Variants in TTLL4 observed in about 807,000 individuals in gnomAD.
TTLL4 encodes the protein tubulin monoglutamylase TTLL4.
Under a neutral mutation model 122.7 loss-of-function variants are expected in TTLL4, and 85 were observed. That is an observed-to-expected ratio of 0.69 (90% CI 0.58 to 0.83). TTLL4 has a LOEUF of 0.83. TTLL4 is among the 40% of genes least tolerant of loss of function. The pLI is 0.00. For missense variants in TTLL4, 1,363 were observed against 1,488.6 expected (o/e 0.92, Z 1.39); for synonymous variants, 553 against 563.0 (o/e 0.98, Z 0.25).
In TTLL4 at chr2:218,748,129, T is replaced by C. The variant is rs1384694005; in HGVS notation, c.2403T>C (p.Leu801=). ...SCKYSPSMKS[L]GNKFMHLTNY... is the part of the protein sequence containing the mutation. ...GGTATTCGCCTTCCATGAAGAGCCT[T>C]GGCAATAAGTTCATGCACCTGACCA... Residue 801 remains leucine (L), a synonymous_variant, in exon 12 of 20, where the codon CTT becomes CTC. Coordinates refer to ENST00000392102, the MANE Select transcript of TTLL4 (RefSeq NM_014640.5). 2.5e-6 allele frequency: 4 copies of C among 1,614,014 alleles called. No individual in the cohort carries two copies. The African/African-American group carries it at 5.3e-5, about 22-fold the overall frequency.
chr2:218,748,339 A>G, intron 12 of TTLL4, 112 bp downstream of exon 12: 2 of 1,459,348 alleles, frequency 1.4e-6, no homozygotes, highest in South Asian at 2.6e-5. Context: ...AGACCCAGAG[A>G]TAACACTTAC....
At chr2:218,759,347 C>T (rs925914798), downstream of TTLL4, among the ~76,000 whole-genome samples, 1 of 152,006 alleles carries the variant, frequency 6.6e-6, no homozygotes, top group South Asian at 2.1e-4. Flanking sequence ...CCCAGGAGTT[C>T]GAGACCAGCC....
intron 1 of TTLL4, among the ~76,000 whole-genome samples, chr2:218,711,669 C>CA (rs1223291304): frequency 2.0e-5 from 3 of 152,058 alleles, no homozygotes; most frequent in Non-Finnish European, 4.4e-5. Flanking sequence ...ACGGAATTTA[C>CA]AGTCTAGGAG....
chr2:218,724,305 G>A (rs915182714), intron 1 of TTLL4, among the ~76,000 whole-genome samples: 1 of 152,126 alleles, frequency 6.6e-6, no homozygotes, highest in Non-Finnish European at 1.5e-5. Flanking sequence ...CAGAAGGCAG[G>A]TAGCACACCA....
intron 2 of TTLL4, among the ~76,000 whole-genome samples, chr2:218,732,371 C>T (rs1942405329): frequency 6.6e-6 from 1 of 152,110 alleles, no homozygotes; most frequent in Non-Finnish European, 1.5e-5. Context: ...GATGAGCAGT[C>T]TGCCTTTTGG....
chr2:218,742,376 A>G (rs898709796), intron 5 of TTLL4, among the ~76,000 whole-genome samples: 6 of 152,238 alleles, frequency 3.9e-5, no homozygotes, highest in Non-Finnish European at 1.5e-5. Flanking sequence ...ACATTTGTAT[A>G]TTATGGAAAA....
intron 12 of TTLL4, 172 bp from the exon 13 acceptor site, chr2:218,748,654 CAAAAAAAAAA>C (rs570493846): frequency 1.3e-5 from 3 of 224,976 alleles, no homozygotes; most frequent in African/African-American, 8.6e-5. Flanking sequence ...AACTCCATCT[CAAAAAAAAAA>C]AAAAAAAAAA....
intron 2 of TTLL4, among the ~76,000 whole-genome samples, chr2:218,730,887 T>C (rs1349261089): frequency 6.6e-6 from 1 of 151,842 alleles, no homozygotes; most frequent in East Asian, 1.9e-4. Flanking sequence ...GGAGGATCAT[T>C]TGAGGACAGA....
intron 1 of TTLL4, among the ~76,000 whole-genome samples, chr2:218,725,174 A>G (rs555708290): frequency 6.6e-6 from 1 of 151,916 alleles, no homozygotes; most frequent in Admixed American, 6.6e-5. Context: ...CCCAAAGTGC[A>G]AGCATGAGCC....
At position 218,745,239 on chromosome 2, in the gene TTLL4, C is replaced by T. The variant is rs1309128202; in HGVS notation, c.1786+6C>T. ...TGGCACTCGGGATGAGAGAGGTAAACCTGGCCAAGTGTCAAAGCCCAGAAG... is the reference window on the plus strand; with the variant it reads ...TGGCACTCGGGATGAGAGAGGTAAATCTGGCCAAGTGTCAAAGCCCAGAAG... On this transcript the variant is annotated splice_donor_region_variant and intron_variant, in intron 6 of 19. Coordinates refer to ENST00000392102, the MANE Select transcript of TTLL4 (RefSeq NM_014640.5). 1 of 1,613,830 alleles carries T rather than the reference C, an allele frequency of 6.2e-7. No homozygotes were observed. The highest frequency in any genetic ancestry group is 1.3e-5 in the African/African-American group (1 of 74,916).
chr2:218,739,125 G>A lies in TTLL4; in HGVS notation c.1449G>A (p.Glu483=). Residue 483 remains glutamate, a synonymous_variant, in exon 3 of 20, where the codon GAG becomes GAA. Coordinates refer to ENST00000392102, the MANE Select transcript of TTLL4 (RefSeq NM_014640.5). Reference sequence around the variant, plus strand: ...GCCAGTCTGAGAAGGAGAGACCTGAGGAGGCCAGGGAGCTGGACTCATCTG... The same window carrying A: ...GCCAGTCTGAGAAGGAGAGACCTGAAGAGGCCAGGGAGCTGGACTCATCTG... ...QLGQSEKERP[E]EARELDSSDR... is the part of the protein sequence containing the mutation. The A allele has an allele frequency of 1.2e-6, 2 of 1,613,944 alleles. No homozygotes were observed. The highest frequency in any genetic ancestry group is 1.7e-6 in the Non-Finnish European group (2 of 1,180,030).
chr2:218,738,758 C>G lies in TTLL4; in HGVS notation c.1082C>G (p.Ser361Cys), dbSNP rs1370395008. Residue 361 changes from serine (S) to cysteine (C), a missense_variant, in exon 3 of 20, where the codon TCT (serine) becomes TGT (cysteine). Coordinates refer to ENST00000392102, the MANE Select transcript of TTLL4 (RefSeq NM_014640.5). ...MPRQGCQLEQ[S>C]SFLNPSFQWN... is the part of the protein sequence containing the mutation. ...AGGCAAGGCTGCCAGCTTGAACAGT[C>G]TAGTTTCCTGAACCCCAGCTTCCAG... 9.3e-6 allele frequency: 15 copies of G among 1,614,086 alleles called. No individual in the cohort carries two copies. The highest frequency in any genetic ancestry group is 1.7e-5 in the Admixed American group (1 of 60,024).
At chr2:218,751,898 T>TTC (rs1491550377) in intron 16 of TTLL4, 92 bp downstream of exon 16, 1 of 651,426 alleles carries the variant, frequency 1.5e-6, no homozygotes, top group African/African-American at 2.5e-5. Context: ...TTTTTTTTTT[T>TTC]CTTTTCTTTT....
chr2:218,737,711 G>T lies in TTLL4; in HGVS notation c.35G>T (p.Gly12Val). The T allele has an allele frequency of 6.2e-7, 1 of 1,612,292 alleles. No individual in the cohort carries two copies. Among genetic ancestry groups the T allele is most frequent in the East Asian group, 2.2e-5 (1 of 44,874 alleles). Residue 12 changes from glycine to valine, a missense_variant, in exon 3 of 20, where the codon GGC (glycine) becomes GTC (valine). Coordinates refer to ENST00000392102, the MANE Select transcript of TTLL4 (RefSeq NM_014640.5). ...ASAGTQHYSIGLRQKNSFKQS... is the reference protein window; with the variant it reads ...ASAGTQHYSIVLRQKNSFKQS... The stretch of plus-strand genomic sequence containing the variant: ...GCAGGAACACAGCACTATAGTATTG[G>T]CCTCCGCCAGAAAAACAGCTTCAAG...
chr2:218,747,679 C>A lies in TTLL4; in HGVS notation c.2332C>A (p.Arg778=), dbSNP rs547226440. The A allele has an allele frequency of 1.9e-6, 3 of 1,614,198 alleles. No homozygotes were observed. In the South Asian group the frequency reaches 3.3e-5, roughly 18 times the overall value. ...YVYVTSYDPL[R]IYLFSDGLVR... is the part of the protein sequence containing the mutation. ...TTATGTCACTTCCTACGATCCTCTG[C>A]GGATTTACCTCTTTTCAGATGGACT... Residue 778 remains arginine (R), a synonymous_variant, in exon 11 of 20, where the codon CGG becomes AGG. Coordinates refer to ENST00000392102, the MANE Select transcript of TTLL4 (RefSeq NM_014640.5). The surrounding 1 kb of genome is among the most constrained non-coding windows in gnomAD (Gnocchi z 4.7).
In TTLL4 at chr2:218,747,356, C is replaced by A. The variant is rs1166447556; in HGVS notation, c.2233C>A (p.Pro745Thr). The change falls in exon 10 of 20, where the codon CCC becomes ACC. Residue 745 changes from proline (P) to threonine (T), a missense_variant. Transcript: ENST00000392102. The surrounding 1 kb of genome is among the most constrained non-coding windows in gnomAD (Gnocchi z 4.7). ...HKWSQLPKRR[P>T]LLVQRYLHKP... ...GTGGAGTCAGCTCCCCAAGCGAAGG[C>A]CCCTCCTGGTACAGAGGTGAGCCTG... 6.2e-7 allele frequency: 1 copy of A among 1,614,190 alleles called. No homozygotes were observed. The highest frequency in any genetic ancestry group is 1.1e-5 in the South Asian group (1 of 91,084).
At chr2:218,735,612 A>G (rs1942495926) in intron 2 of TTLL4, among the ~76,000 whole-genome samples, 1 of 151,830 alleles carries the variant, frequency 6.6e-6, no homozygotes, top group Admixed American at 6.6e-5. Context: ...CCCTCTAGCT[A>G]CTCTGAAAAC....
In TTLL4 at chr2:218,750,087, C is replaced by A. The variant is rs746888331; in HGVS notation, c.2814C>A (p.Val938=). 8.7e-6 allele frequency: 14 copies of A among 1,613,994 alleles called. No homozygotes were observed. Among genetic ancestry groups the A allele is most frequent in the African/African-American group, 2.7e-5 (2 of 74,924 alleles). The part of the protein sequence containing the change: ...IRDLLNLAGF[V]LPNAEDIISS... ...ACCTTCTGAATCTGGCAGGTTTTGT[C>A]CTGCCCAATGCAGAGGATATCATTT... is the stretch of plus-strand genomic sequence containing the variant. Residue 938 remains valine (V), a synonymous_variant, in exon 15 of 20, where the codon GTC becomes GTA. Coordinates refer to ENST00000392102, the MANE Select transcript of TTLL4 (RefSeq NM_014640.5).
At position 218,738,017 on chromosome 2, in the gene TTLL4, G is replaced by A. The variant is rs769140870; in HGVS notation, c.341G>A (p.Ser114Asn). 11 of 1,614,036 alleles carry A rather than the reference G, an allele frequency of 6.8e-6. No individual in the cohort carries two copies. The highest frequency in any genetic ancestry group is 1.3e-5 in the African/African-American group (1 of 74,914). Reference protein sequence around the residue: ...YLHSLPDLFNSTLLYRRSSYR... With the variant: ...YLHSLPDLFNNTLLYRRSSYR... Reference sequence around the variant, plus strand: ...CACTCTCTCCCGGACTTGTTCAACAGCACCCTGCTATACCGCCGCTCCAGC... The same window carrying A: ...CACTCTCTCCCGGACTTGTTCAACAACACCCTGCTATACCGCCGCTCCAGC... Residue 114 changes from serine to asparagine, a missense_variant, in exon 3 of 20, where the codon AGC (serine) becomes AAC (asparagine). Ser to Asn is a conservative substitution (Grantham distance 46). Transcript: ENST00000392102.
Sources: gnomAD v4.1 joint callset for allele counts (sites outside exome capture counted in the v4.1 genomes callset) on GRCh38, gnomAD v4.1.1 for gene constraint, Gnocchi (gnomAD v3.1) non-coding constraint, MANE v1.5 for transcripts, NCBI Gene and HGNC (gene_info 2026-07-23, HGNC 2026-07-21) for gene names.